HAS1: variants seen among roughly 807,000 people sequenced by gnomAD.
HAS1 encodes the protein hyaluronan synthase 1.
In HAS1, 27 loss-of-function variants were observed where a neutral mutation model predicts 35.0. The observed-to-expected ratio is 0.77, with a 90% CI of 0.57 to 1.06. HAS1 has a LOEUF of 1.06. Among genes scored for constraint, HAS1 ranks in the 50% least tolerant of loss-of-function variants. The probability of loss-of-function intolerance (pLI) is 0.00; values close to 1 mark genes in which losing one functional copy is unlikely to be tolerated. For synonymous variants in HAS1, 409 were observed against 371.2 expected, an observed-to-expected ratio of 1.10 and a Z score of -1.17; for missense variants, 940 against 814.8, an observed-to-expected ratio of 1.15 and a Z score of -1.87.
intron 1 of HAS1, among the ~76,000 whole-genome samples, chr19:51,720,174 G>T (rs2083621510): frequency 6.7e-6 from 1 of 149,310 alleles, no homozygotes; most frequent in Non-Finnish European, 1.5e-5. Context: ...GCCTAGTGTC[G>T]CCATCTAGGC....
At chr19:51,716,431 C>A in intron 3 of HAS1, 43 bp from the exon 4 acceptor site, 1 of 1,556,930 alleles carries the variant, frequency 6.4e-7, no homozygotes, top group Non-Finnish European at 8.7e-7. Context: ...CCTCTGCTGT[C>A]ACCAACACCA....
Position 51,713,578 on chromosome 19 carries a change from C to G in HAS1, c.1583G>C (p.Trp528Ser), listed in dbSNP as rs1316453289. Residue 528 changes from tryptophan (W) to serine (S), a missense_variant, in exon 5 of 5, where the codon TGG (tryptophan) becomes TCG (serine). Physicochemically the swap from Trp to Ser is radical, Grantham distance 177. Transcript: ENST00000540069. This position sits in a 1 kb window ranked among gnomAD's most constrained non-coding sequence, Gnocchi z 4.5. Reference sequence around the variant, plus strand: ...CTCGGCTGCGCGGGAAGGGCCGCTCCAGTCGGCCCTGGCCTCGTGTGCTAC... The same window carrying G: ...CTCGGCTGCGCGGGAAGGGCCGCTCGAGTCGGCCCTGGCCTCGTGTGCTAC... ...RSVAHEARADWSGPSRAAEAY... is the reference protein window; with the variant it reads ...RSVAHEARADSSGPSRAAEAY... 6.4e-7 allele frequency: 1 copy of G among 1,565,744 alleles called. No homozygotes were observed.
At chr19:51,720,237 C>T (rs993795227) in intron 1 of HAS1, among the ~76,000 whole-genome samples, 3 of 151,826 alleles carry the variant, frequency 2.0e-5, no homozygotes, top group African/African-American at 7.3e-5. Context: ...CCTCAGCCTC[C>T]CGAGTAGCTG....
chr19:51,719,525 A>C lies in HAS1; in HGVS notation c.380T>G (p.Leu127Arg). 6.5e-7 allele frequency: 1 copy of C among 1,548,972 alleles called. No individual in the cohort carries two copies. Among genetic ancestry groups the C allele is most frequent in the Non-Finnish European group, 8.7e-7 (1 of 1,146,142 alleles). The change falls in exon 2 of 5, where the codon CTG (leucine) becomes CGG (arginine). Residue 127 changes from leucine to arginine, a missense_variant. Physicochemically the swap from Leu to Arg is moderately radical, Grantham distance 102 (BLOSUM62 -2). Transcript: ENST00000540069. ...GCCATCCACCACCATGAGGACGCGC[A>C]GCCGCGCGCGCGGGTACAGCAGGGC... ...ARALLYPRAR[L>R]RVLMVVDGNR...
chr19:51,720,005 CCTCCCTCTCTCT>C (rs1320985640), intron 1 of HAS1, 110 bp from the exon 2 acceptor site: 6 of 610,974 alleles, frequency 9.8e-6, no homozygotes, highest in African/African-American at 9.8e-5. Flanking sequence ...CTTTCCCTCC[CCTCCCTCTCTCT>C]CTCCCTCCCT....
chr19:51,714,010 C>G lies in HAS1; in HGVS notation c.1151G>C (p.Arg384Pro), dbSNP rs1568624985. The G allele has an allele frequency of 3.7e-6, 6 of 1,613,966 alleles. No homozygotes were observed. The highest frequency in any genetic ancestry group is 4.2e-6 in the Non-Finnish European group (5 of 1,179,968). Residue 384 changes from arginine to proline, a missense_variant, in exon 5 of 5, where the codon CGT (arginine) becomes CCT (proline). Arg to Pro is a moderately radical substitution (Grantham distance 103, BLOSUM62 -2). Coordinates refer to ENST00000540069, the MANE Select transcript of HAS1 (RefSeq NM_001297436.2). ...QQTRWSKSYF[R>P]EWLYNALWWH... ...CCAGAGCGCGTTGTACAGCCACTCA[C>G]GGAAGTACGACTTGGACCAGCGTGT...
Position 51,713,945 on chromosome 19 carries a change from C to T in HAS1, c.1216G>A (p.Val406Ile). Residue 406 changes from valine to isoleucine, a missense_variant, in exon 5 of 5, where the codon GTC becomes ATC. Val to Ile is a conservative substitution (Grantham distance 29, BLOSUM62 3). Transcript: ENST00000540069. The surrounding 1 kb of genome is among the most constrained non-coding windows in gnomAD (Gnocchi z 4.5). The stretch of plus-strand genomic sequence containing the variant: ...ACGAAGAAGGGGAACAGGCCGGAGA[C>T]CACCGCCTCGTAGGTCATCCACGCA... The part of the protein sequence containing the change: ...HHAWMTYEAV[V>I]SGLFPFFVAA... 6.2e-7 allele frequency: 1 copy of T among 1,610,854 alleles called. No homozygotes were observed. The highest frequency in any genetic ancestry group is 8.5e-7 in the Non-Finnish European group (1 of 1,180,010).
chr19:51,718,903 T>A (rs1404981315), intron 2 of HAS1, among the ~76,000 whole-genome samples: 2 of 152,162 alleles, frequency 1.3e-5, no homozygotes, highest in African/African-American at 4.8e-5. Context: ...GATAGATGAA[T>A]GGATGAGTCA....
chr19:51,713,186 C>A lies in HAS1; in HGVS notation c.*241G>T, dbSNP rs1208908440. On this transcript the variant is annotated 3_prime_UTR_variant, in exon 5 of 5. Transcript: ENST00000540069. This position sits in a 1 kb window ranked among gnomAD's most constrained non-coding sequence, Gnocchi z 4.5. ...AGATTAAATAAGAACGAGGAGAAAG[C>A]AGGACCCTTTCCCTCCACTCCTCAG... The A allele has an allele frequency of 2.1e-5, 8 of 384,694 alleles. No homozygotes were observed. Among genetic ancestry groups the A allele is most frequent in the Non-Finnish European group, 3.6e-5 (8 of 224,694 alleles). 23.8% of individuals were successfully genotyped at this position (384,694 alleles called of 1,614,324 possible).
chr19:51,713,762 A>C lies in HAS1; in HGVS notation c.1399T>G (p.Tyr467Asp). 6 of 1,605,680 alleles carry C rather than the reference A, an allele frequency of 3.7e-6. No individual in the cohort carries two copies. Among genetic ancestry groups the C allele is most frequent in the Non-Finnish European group, 5.1e-6 (6 of 1,176,354 alleles). The change falls in exon 5 of 5, where the codon TAC becomes GAC. Residue 467 changes from tyrosine to aspartate, a missense_variant. By Grantham distance (160) the Tyr-to-Asp change is radical. Transcript: ENST00000540069. This position sits in a 1 kb window ranked among gnomAD's most constrained non-coding sequence, Gnocchi z 4.5. ...TTGGCAGGCAGGAGGCCACACATGT[A>C]GAGGGGCGCGTAGAGCGACAGAAGC... ...MVLLSLYAPL[Y>D]MCGLLPAKFL...
At chr19:51,720,853 T>A (rs1030637640) in intron 1 of HAS1, among the ~76,000 whole-genome samples, 5 of 152,142 alleles carry the variant, frequency 3.3e-5, no homozygotes, top group Non-Finnish European at 7.4e-5. Context: ...ACAATTTAAT[T>A]ACTAGGGCGT....
At chr19:51,722,048 C>A (rs999616902) in intron 1 of HAS1, among the ~76,000 whole-genome samples, 2 of 152,136 alleles carry the variant, frequency 1.3e-5, no homozygotes, top group Non-Finnish European at 2.9e-5. Context: ...CTGGCTCTGG[C>A]GTCCCCTCTA....
At position 51,713,595 on chromosome 19, in the gene HAS1, G is replaced by A; in HGVS notation, c.1566C>T (p.His522=). The A allele has an allele frequency of 6.4e-7, 1 of 1,557,534 alleles. No individual in the cohort carries two copies. Among genetic ancestry groups the A allele is most frequent in the African/African-American group, 1.4e-5 (1 of 73,442 alleles). The part of the protein sequence containing the change: ...LLGGLVRSVA[H]EARADWSGPS... ...GGCCGCTCCAGTCGGCCCTGGCCTC[G>A]TGTGCTACGCTGCGGACCAGGCCCC... The change falls in exon 5 of 5, where the codon CAC becomes CAT. Residue 522 remains histidine (H), a synonymous_variant. Transcript: ENST00000540069. The surrounding 1 kb of genome is among the most constrained non-coding windows in gnomAD (Gnocchi z 4.5).
intron 2 of HAS1, 30 bp from the exon 3 acceptor site, chr19:51,717,223 C>T (rs751941083): frequency 2.8e-6 from 4 of 1,445,866 alleles, no homozygotes; most frequent in East Asian, 4.6e-5. Flanking sequence ...AGGATCAGCA[C>T]AGACCCCTGC....
intron 2 of HAS1, 143 bp downstream of exon 2, chr19:51,719,063 G>A: frequency 4.0e-6 from 2 of 499,316 alleles, no homozygotes; most frequent in Non-Finnish European, 3.5e-6. Flanking sequence ...AAGAATGAGT[G>A]AAGGAAAGAA....
In HAS1 at chr19:51,723,923, A is replaced by ACACACACACACACACACC. The variant is rs748932327; in HGVS notation, c.9+1_9+2insGGTGTGTGTGTGTGTGTG. 6.6e-7 allele frequency: 1 copy of ACACACACACACACACACC among 1,526,380 alleles called. No individual in the cohort carries two copies. The highest frequency in any genetic ancestry group is 8.8e-7 in the Non-Finnish European group (1 of 1,140,018). 94.6% of individuals were successfully genotyped at this position (1,526,380 alleles called of 1,614,324 possible). A position where few individuals can be genotyped will look rare whatever the true frequency, so the allele number is the denominator to read the frequency against. ...CACACACACACACACACACACACAC[A>ACACACACACACACACACC]CCTGTCTCATCGCAGTGGGTCTGGC... On this transcript the variant is annotated splice_donor_variant, in intron 1 of 4. Transcript: ENST00000540069. LOFTEE classifies it high-confidence loss of function.
At chr19:51,720,014 C>CT (rs2083619016) in intron 1 of HAS1, 119 bp from the exon 2 acceptor site, 1 of 601,464 alleles carries the variant, frequency 1.7e-6, no homozygotes, top group East Asian at 3.1e-5. Context: ...CCCTCCCTCT[C>CT]TCTCTCCCTC....
rs767853866 is a variant in HAS1, at chr19:51,719,247, T to C, written c.658A>G (p.Thr220Ala). 3.1e-6 allele frequency: 5 copies of C among 1,601,628 alleles called. No homozygotes were observed. In the South Asian group the frequency reaches 5.6e-5, roughly 18 times the overall value. Residue 220 changes from threonine to alanine, a missense_variant, in exon 2 of 5, where the codon ACA becomes GCA. Coordinates refer to ENST00000540069, the MANE Select transcript of HAS1 (RefSeq NM_001297436.2). ...RWGGKREVMYTAFKALGDSVD... is the reference protein window; with the variant it reads ...RWGGKREVMYAAFKALGDSVD... ...GAATCTCCGAGCGCCTTGAAGGCTG[T>C]GTACATGACCTCGCGCTTGCCGCCC... is the stretch of plus-strand genomic sequence containing the variant.
chr19:51,722,581 A>G (rs1332464100), intron 1 of HAS1, among the ~76,000 whole-genome samples: 1 of 152,224 alleles, frequency 6.6e-6, no homozygotes, highest in East Asian at 1.9e-4. Context: ...GTGTTTTTAG[A>G]TGGTTTTTGA....
Sources: allele counts gnomAD v4.1 joint callset (sites outside exome capture counted in the v4.1 genomes callset), GRCh38; gene constraint gnomAD v4.1.1; non-coding constraint Gnocchi (gnomAD v3.1); transcripts MANE v1.5; gene names NCBI Gene and HGNC (gene_info 2026-07-23, HGNC 2026-07-21).